Variants in SDK1 observed in about 807,000 individuals in gnomAD.
SDK1 encodes protein sidekick-1.
SDK1 carries 157 observed loss-of-function variants against 245.5 expected under a neutral mutation model. The ratio of observed to expected loss-of-function variants is 0.64; its 90% CI spans 0.56 to 0.73. The LOEUF (loss-of-function observed/expected upper bound fraction) is 0.73, where lower values mean the gene tolerates loss of function less well. Among genes scored for constraint, SDK1 ranks in the 30% least tolerant of loss-of-function variants. SDK1 has a pLI of 0.00. For synonymous variants in SDK1, 1,647 were observed against 1,278.5 expected, an observed-to-expected ratio of 1.29 and a Z score of -6.15; for missense variants, 3,583 against 3,002.3, an observed-to-expected ratio of 1.19 and a Z score of -4.52.
chr7:3,780,692 G>C (rs1780703611), intron 4 of SDK1, among the ~76,000 whole-genome samples: 2 of 152,134 alleles, frequency 1.3e-5, no homozygotes, highest in South Asian at 4.2e-4. Context: ...AGAAAGTCGA[G>C]CTGTGGCTCC....
At chr7:3,641,877 A>G (rs762174352) in intron 3 of SDK1, 81 bp from the exon 4 acceptor site, 4 of 1,171,154 alleles carry the variant, frequency 3.4e-6, no homozygotes, top group Non-Finnish European at 4.9e-6. Flanking sequence ...TTACTGTAAC[A>G]CTTACCTGTT....
intron 1 of SDK1, among the ~76,000 whole-genome samples, chr7:3,410,741 C>T (rs545995386): frequency 6.6e-6 from 1 of 151,976 alleles, no homozygotes; most frequent in Non-Finnish European, 1.5e-5. Context: ...CACACACTAC[C>T]ATGCCCAACT....
intron 5 of SDK1, among the ~76,000 whole-genome samples, chr7:3,846,200 A>G (rs959563825): frequency 2.0e-5 from 3 of 151,998 alleles, no homozygotes; most frequent in African/African-American, 7.3e-5. Context: ...CAACACATGC[A>G]TGTACACACA....
chr7:4,152,615 A>G (rs1157421648), intron 30 of SDK1, among the ~76,000 whole-genome samples: 1 of 152,226 alleles, frequency 6.6e-6, no homozygotes, highest in Admixed American at 6.5e-5. Flanking sequence ...GGAGAGACCA[A>G]TGTCAATTTC....
chr7:3,851,606 A>G (rs1318332643), intron 5 of SDK1, among the ~76,000 whole-genome samples: 1 of 152,108 alleles, frequency 6.6e-6, no homozygotes, highest in Non-Finnish European at 1.5e-5. Flanking sequence ...TGTTATGAGG[A>G]TGTGTATTTT....
chr7:3,870,315 T>C (rs1328728841), intron 5 of SDK1, among the ~76,000 whole-genome samples: 1 of 152,206 alleles, frequency 6.6e-6, no homozygotes, highest in Non-Finnish European at 1.5e-5. Context: ...ACTTGGCCCC[T>C]TTTAAGCTGA....
chr7:3,469,016 G>C (rs1475763645), intron 1 of SDK1, among the ~76,000 whole-genome samples: 1 of 152,126 alleles, frequency 6.6e-6, no homozygotes, highest in East Asian at 1.9e-4. Context: ...AACGTGTTAG[G>C]CTTAAAGGCC....
At chr7:3,668,828 A>G (rs1026872856) in intron 4 of SDK1, among the ~76,000 whole-genome samples, 1 of 152,196 alleles carries the variant, frequency 6.6e-6, no homozygotes, top group African/African-American at 2.4e-5. Flanking sequence ...GCCTTTTATG[A>G]TGAGCCTTGG....
chr7:3,758,942 A>G (rs550817832), intron 4 of SDK1, among the ~76,000 whole-genome samples: 1 of 152,276 alleles, frequency 6.6e-6, no homozygotes, highest in Non-Finnish European at 1.5e-5. Flanking sequence ...TCTGAGTCTA[A>G]TCCAGTACCA....
intron 43 of SDK1, among the ~76,000 whole-genome samples, chr7:4,244,970 G>A (rs535428692): frequency 1.2e-4 from 19 of 152,284 alleles, no homozygotes; most frequent in East Asian, 3.9e-4. Flanking sequence ...TCTCCAGTCC[G>A]CCAAGATAGG....
rs190391133 is a variant in SDK1 at position 3,609,326 on chromosome 7, G to C, written c.299-9754G>C. 2.4e-3 allele frequency among the ~76,000 whole-genome samples: 368 copies of C among 152,318 alleles called. 3 individuals are homozygous for C. The highest frequency in any genetic ancestry group is 0.018 in the South Asian group (85 of 4,826). On this transcript the variant is annotated intron_variant, in intron 1 of 44. Transcript: ENST00000404826. ...AGTTGGTGCTATTGCTTTGTTGATT[G>C]AGAAACCCAGACATAGGGGTTAAGT...
intron 4 of SDK1, among the ~76,000 whole-genome samples, chr7:3,683,922 C>G (rs913761868): frequency 2.0e-5 from 3 of 152,226 alleles, no homozygotes; most frequent in African/African-American, 7.2e-5. Flanking sequence ...GTGTTGGCCA[C>G]TCCTGTCCCA....
chr7:3,645,811 G>A (rs1398546630), intron 4 of SDK1, among the ~76,000 whole-genome samples: 1 of 151,902 alleles, frequency 6.6e-6, no homozygotes, highest in East Asian at 1.9e-4. Context: ...TTGACTCAAG[G>A]TGCTTCCCAC....
At chr7:4,129,870 C>T (rs992684875) in intron 26 of SDK1, 38 bp from the exon 27 acceptor site, 4 of 1,609,614 alleles carry the variant, frequency 2.5e-6, no homozygotes, top group African/African-American at 1.3e-5. Flanking sequence ...TCCTGGCACC[C>T]GCCTCCTGAT....
intron 1 of SDK1, among the ~76,000 whole-genome samples, chr7:3,481,816 C>A (rs540686332): frequency 6.6e-6 from 1 of 152,186 alleles, no homozygotes; most frequent in Non-Finnish European, 1.5e-5. Context: ...ACTGTCCTAC[C>A]TTTTGTGAAA....
chr7:3,569,244 G>A (rs997461883), intron 1 of SDK1, among the ~76,000 whole-genome samples: 27 of 152,262 alleles, frequency 1.8e-4, no homozygotes, highest in African/African-American at 6.0e-4. Context: ...ACAGAAGTCG[G>A]AATTCAAACG....
chr7:4,213,986 C>T (rs1320909792), intron 38 of SDK1, among the ~76,000 whole-genome samples: 2 of 152,226 alleles, frequency 1.3e-5, no homozygotes, highest in African/African-American at 4.8e-5. Flanking sequence ...AAGTCGGGCA[C>T]TGTGCTCAGC....
intron 1 of SDK1, among the ~76,000 whole-genome samples, chr7:3,315,925 G>C (rs1040316090): frequency 1.3e-5 from 2 of 151,990 alleles, no homozygotes; most frequent in Non-Finnish European, 2.9e-5. Context: ...TAAGTTACAG[G>C]CTCATTATAA....
chr7:3,631,556 A>T (rs1782288486), intron 2 of SDK1, among the ~76,000 whole-genome samples: 1 of 152,184 alleles, frequency 6.6e-6, no homozygotes, highest in African/African-American at 2.4e-5. Context: ...TTTAATTTAG[A>T]TCCATAATAT....
Sources: gnomAD v4.1 joint callset for allele counts (sites outside exome capture counted in the v4.1 genomes callset) on GRCh38, gnomAD v4.1.1 for gene constraint, MANE v1.5 for transcripts, NCBI Gene and HGNC (gene_info 2026-07-23, HGNC 2026-07-21) for gene names.